Variants in PDE12 observed in about 807,000 individuals in gnomAD.
PDE12 encodes phosphodiesterase 12.
PDE12 carries 26 observed loss-of-function variants against 45.4 expected under a neutral mutation model. The ratio of observed to expected loss-of-function variants is 0.57; its 90% CI spans 0.42 to 0.79. PDE12 has a LOEUF of 0.79. Among genes scored for constraint, PDE12 ranks in the 30% least tolerant of loss-of-function variants. The pLI is 0.00. For synonymous variants in PDE12, 283 were observed against 323.9 expected (o/e 0.87, Z 1.36); for missense variants, 668 against 790.0 (o/e 0.85, Z 1.85).
chr3:57,650,103 A>C, the PDE12 span, among the ~76,000 whole-genome samples: 1 of 152,098 alleles, frequency 6.6e-6, no homozygotes. Flanking sequence ...ATGCAAAGAC[A>C]TAAGAATGAT....
downstream of PDE12, among the ~76,000 whole-genome samples, chr3:57,567,334 T>G (rs1038043940): frequency 2.0e-5 from 3 of 149,838 alleles, no homozygotes; most frequent in African/African-American, 7.4e-5. Context: ...AAATTGAAAA[T>G]GTATCATTTG....
chr3:57,582,484 G>A, the PDE12 span, among the ~76,000 whole-genome samples: 2 of 151,864 alleles, frequency 1.3e-5, no homozygotes, highest in African/African-American at 2.4e-5. Context: ...CTCGTGATCC[G>A]CCCGCCTCAG....
chr3:57,558,880 T>C (rs1410126680), intron 1 of PDE12, among the ~76,000 whole-genome samples: 1 of 151,992 alleles, frequency 6.6e-6, no homozygotes, highest in East Asian at 1.9e-4. Flanking sequence ...CAGTCCTAGT[T>C]CATCAAGGGA....
At chr3:57,600,392 T>A in the PDE12 span, among the ~76,000 whole-genome samples, 1 of 151,714 alleles carries the variant, frequency 6.6e-6, no homozygotes, top group Admixed American at 6.6e-5. Flanking sequence ...TTTCTTTTCT[T>A]TCCTTCATCC....
the PDE12 span, among the ~76,000 whole-genome samples, chr3:57,612,769 CA>C: frequency 0.012 from 1,217 of 97,548 alleles, 3 homozygotes; most frequent in Middle Eastern, 0.021. Flanking sequence ...GAGTCCACCT[CA>C]AAAAAAAAAA....
downstream of PDE12, among the ~76,000 whole-genome samples, chr3:57,570,825 T>A (rs1257354237): frequency 6.6e-6 from 1 of 152,214 alleles, no homozygotes; most frequent in Non-Finnish European, 1.5e-5. Flanking sequence ...TAAGTCTCTA[T>A]ATTGGCCATA....
downstream of PDE12, among the ~76,000 whole-genome samples, chr3:57,569,829 CAAAAAAAAAAAA>C (rs11310053): frequency 2.2e-4 from 15 of 67,884 alleles, no homozygotes; most frequent in Admixed American, 1.8e-3. Flanking sequence ...AAAACCATCT[CAAAAAAAAAAAA>C]AAAAAAAAAA....
the PDE12 span, chr3:57,584,061 CT>C: frequency 8.2e-7 from 1 of 1,224,624 alleles, no homozygotes; most frequent in Non-Finnish European, 1.2e-6. Context: ...AAAATAAAAC[CT>C]TTTATTGTGG....
the PDE12 span, among the ~76,000 whole-genome samples, chr3:57,629,668 C>T: frequency 2.0e-5 from 3 of 150,666 alleles, no homozygotes; most frequent in Admixed American, 6.6e-5. Flanking sequence ...CCTGCCACCA[C>T]GCCCGGCTAA....
downstream of PDE12, among the ~76,000 whole-genome samples, chr3:57,570,219 G>GTTTTTTTTTTTTTTTTTT (rs34599005): frequency 2.9e-5 from 3 of 102,314 alleles, no homozygotes; most frequent in African/African-American, 1.2e-4. Flanking sequence ...TTAATCCAGT[G>GTTTTTTTTTTTTTTTTTT]TTTTTTTTTT....
At chr3:57,597,607 C>G in the PDE12 span, 1 of 157,680 alleles carries the variant, frequency 6.3e-6, no homozygotes, top group Admixed American at 6.5e-5. Context: ...GAGGCACATG[C>G]GTACTGGGAG....
chr3:57,615,300 A>T, the PDE12 span, among the ~76,000 whole-genome samples: 1 of 152,314 alleles, frequency 6.6e-6, no homozygotes, highest in East Asian at 1.9e-4. Context: ...AGAAATTATA[A>T]GGTATTTTGA....
At chr3:57,608,635 C>G in the PDE12 span, among the ~76,000 whole-genome samples, 1 of 151,680 alleles carries the variant, frequency 6.6e-6, no homozygotes, top group African/African-American at 2.4e-5. Context: ...TCAAAAGAGA[C>G]AAAGAAGGCC....
At chr3:57,643,166 G>A in the PDE12 span, among the ~76,000 whole-genome samples, 2 of 151,800 alleles carry the variant, frequency 1.3e-5, no homozygotes, top group African/African-American at 4.9e-5. Flanking sequence ...TGTAATCAGA[G>A]ATATTTTAGG....
chr3:57,572,101 G>A, the PDE12 span: 2 of 794,908 alleles, frequency 2.5e-6, no homozygotes, highest in Non-Finnish European at 4.3e-6. Flanking sequence ...TTAATATTCT[G>A]CCCAAACCAG....
chr3:57,652,912 C>G, the PDE12 span, among the ~76,000 whole-genome samples: 1 of 152,200 alleles, frequency 6.6e-6, no homozygotes, highest in Admixed American at 6.5e-5. Context: ...TGAGATGTGA[C>G]AGCTACATGC....
the PDE12 span, chr3:57,597,920 A>G: frequency 2.0e-5 from 3 of 152,154 alleles, no homozygotes; most frequent in African/African-American, 2.4e-5. Flanking sequence ...GTGGGCCGAG[A>G]AACTGTGGCA....
the PDE12 span, among the ~76,000 whole-genome samples, chr3:57,637,681 C>A: frequency 6.7e-6 from 1 of 149,748 alleles, no homozygotes; most frequent in African/African-American, 2.5e-5. Context: ...AAGATATAAA[C>A]CACTCATAAA....
At chr3:57,585,853 G>C in the PDE12 span, among the ~76,000 whole-genome samples, 1 of 151,914 alleles carries the variant, frequency 6.6e-6, no homozygotes, top group Non-Finnish European at 1.5e-5. Context: ...GTAGAGACGG[G>C]GTTTCACCAT....
Sources: gnomAD v4.1 joint callset for allele counts (sites outside exome capture counted in the v4.1 genomes callset) on GRCh38, gnomAD v4.1.1 for gene constraint, MANE v1.5 for transcripts, NCBI Gene and HGNC (gene_info 2026-07-23, HGNC 2026-07-21) for gene names.